Variants in EXOSC4 observed in about 807,000 individuals in gnomAD.
EXOSC4 encodes the protein exosome complex component RRP41.
In EXOSC4, 14 loss-of-function variants were observed where a neutral mutation model predicts 20.0. The observed-to-expected ratio is 0.70, with a 90% CI of 0.46 to 1.09. The LOEUF is 1.09. EXOSC4 is among the 50% of genes least tolerant of loss of function. EXOSC4 has a pLI of 0.00. For missense variants in EXOSC4, 337 were observed against 334.0 expected, an observed-to-expected ratio of 1.01 and a Z score of -0.07; for synonymous variants, 148 against 146.4, an observed-to-expected ratio of 1.01 and a Z score of -0.08.
At chr8:144,075,697 A>C (rs1426742531), upstream of EXOSC4, among the ~76,000 whole-genome samples, 1 of 152,220 alleles carries the variant, frequency 6.6e-6, no homozygotes, top group Non-Finnish European at 1.5e-5. Context: ...ATAGAAGGTT[A>C]CGTTATAAAA....
At chr8:144,077,319 C>A (rs1032534927), upstream of EXOSC4, among the ~76,000 whole-genome samples, 3 of 152,100 alleles carry the variant, frequency 2.0e-5, no homozygotes, top group African/African-American at 7.2e-5. Flanking sequence ...AGAGCTCAGA[C>A]TGAAAGGGGA....
Position 144,078,732 on chromosome 8 carries a change from G to A in EXOSC4, c.4G>A (p.Ala2Thr). The stretch of plus-strand genomic sequence containing the variant: ...GCGGACCTGGCGGCCGGGCAGCATG[G>A]CGGGGCTGGAGCTCTTGTCGGACCA... Reference protein sequence around the residue: MAGLELLSDQGY... With the variant: MTGLELLSDQGY... The change falls in exon 1 of 3, where the codon GCG becomes ACG. Residue 2 changes from alanine (A) to threonine (T), a missense_variant. By Grantham distance (58) the Ala-to-Thr change is moderately conservative. Coordinates refer to ENST00000316052, the MANE Select transcript of EXOSC4 (RefSeq NM_019037.3). This position sits in a 1 kb window ranked among gnomAD's most constrained non-coding sequence, Gnocchi z 4.7. 1 of 1,456,392 alleles carries A rather than the reference G, an allele frequency of 6.9e-7. No homozygotes were observed. Among genetic ancestry groups the A allele is most frequent in the Non-Finnish European group, 9.1e-7 (1 of 1,101,444 alleles). 90.2% of individuals were successfully genotyped at this position (1,456,392 alleles called of 1,614,324 possible).
upstream of EXOSC4, among the ~76,000 whole-genome samples, chr8:144,074,483 G>C (rs1835818990): frequency 6.6e-6 from 1 of 152,190 alleles, no homozygotes; most frequent in Non-Finnish European, 1.5e-5. Flanking sequence ...AATTGGCCAA[G>C]TGCCAACTCA....
chr8:144,072,468 A>G, the EXOSC4 span, among the ~76,000 whole-genome samples: 1 of 152,272 alleles, frequency 6.6e-6, no homozygotes, highest in Admixed American at 6.5e-5. Context: ...GGTGTGAGCC[A>G]CCGCGCCCGA....
the EXOSC4 span, among the ~76,000 whole-genome samples, chr8:144,067,623 A>C: frequency 1.3e-5 from 2 of 152,280 alleles, no homozygotes; most frequent in Non-Finnish European, 2.9e-5. Context: ...ACTCAAAGTC[A>C]GAAAAACACT....
chr8:144,075,901 TTA>T (rs1211723828), upstream of EXOSC4, among the ~76,000 whole-genome samples: 1 of 152,236 alleles, frequency 6.6e-6, no homozygotes, highest in African/African-American at 2.4e-5. Flanking sequence ...CAATTTTGTC[TTA>T]TGTTTCAAAA....
At chr8:144,078,514 T>G (rs1276584077), upstream of EXOSC4, 1 of 430,060 alleles carries the variant, frequency 2.3e-6, no homozygotes. The surrounding 1 kb of genome is among the most constrained non-coding windows in gnomAD (Gnocchi z 4.7). Flanking sequence ...GGGGCCGCGG[T>G]GAACTCCAGT....
chr8:144,073,744 A>G (rs1323964724), upstream of EXOSC4, among the ~76,000 whole-genome samples: 1 of 151,994 alleles, frequency 6.6e-6, no homozygotes, highest in Non-Finnish European at 1.5e-5. Context: ...CCAGCTACTT[A>G]GGAGGCTGAG....
At chr8:144,074,150 CA>C (rs1203381230), upstream of EXOSC4, among the ~76,000 whole-genome samples, 1 of 152,300 alleles carries the variant, frequency 6.6e-6, no homozygotes, top group South Asian at 2.1e-4. Context: ...TGGGCCCCAA[CA>C]AAGTATTTAC....
rs1835887491 is a variant in EXOSC4, at chr8:144,080,358, G to A, written c.495G>A (p.Val165=). The change falls in exon 3 of 3, where the codon GTG becomes GTA. Residue 165 remains valine, a synonymous_variant. Coordinates refer to ENST00000316052, the MANE Select transcript of EXOSC4 (RefSeq NM_019037.3). This position sits in a 1 kb window ranked among gnomAD's most constrained non-coding sequence, Gnocchi z 4.9. The part of the protein sequence containing the change: ...DFVCACSAGF[V]DGTALADLSH... Reference sequence around the variant, plus strand: ...TGTGTGCGTGCTCAGCTGGCTTCGTGGACGGCACAGCCCTGGCGGACCTCA... The same window carrying A: ...TGTGTGCGTGCTCAGCTGGCTTCGTAGACGGCACAGCCCTGGCGGACCTCA... The A allele has an allele frequency of 6.2e-7, 1 of 1,612,914 alleles. No individual in the cohort carries two copies. Among genetic ancestry groups the A allele is most frequent in the Non-Finnish European group, 8.5e-7 (1 of 1,180,050 alleles).
chr8:144,067,708 A>G, the EXOSC4 span, among the ~76,000 whole-genome samples: 1 of 152,252 alleles, frequency 6.6e-6, no homozygotes, highest in Non-Finnish European at 1.5e-5. Flanking sequence ...CAAGATGAAC[A>G]AAGATAGAAA....
the EXOSC4 span, among the ~76,000 whole-genome samples, chr8:144,064,955 C>T: frequency 1.3e-5 from 2 of 151,664 alleles, no homozygotes; most frequent in East Asian, 1.9e-4. Flanking sequence ...CATTCTCCTG[C>T]GTCAGCCTGC....
At chr8:144,075,528 T>C (rs1554762635), upstream of EXOSC4, among the ~76,000 whole-genome samples, 4 of 152,160 alleles carry the variant, frequency 2.6e-5, no homozygotes, top group South Asian at 2.1e-4. Flanking sequence ...GCCCGGCCCA[T>C]GTCCAGCTGA....
upstream of EXOSC4, chr8:144,078,109 GA>G: frequency 6.6e-6 from 1 of 152,384 alleles, no homozygotes; most frequent in Non-Finnish European, 1.5e-5. The surrounding 1 kb of genome is among the most constrained non-coding windows in gnomAD (Gnocchi z 4.7). Context: ...TCCTCAAAGG[GA>G]AAAGGGAGGC....
chr8:144,077,546 C>T (rs1411250899), upstream of EXOSC4, among the ~76,000 whole-genome samples: 1 of 152,176 alleles, frequency 6.6e-6, no homozygotes, highest in Non-Finnish European at 1.5e-5. Flanking sequence ...CAGCAGACCA[C>T]ATTTCCCTAG....
At chr8:144,067,425 G>A in the EXOSC4 span, among the ~76,000 whole-genome samples, 1 of 152,156 alleles carries the variant, frequency 6.6e-6, no homozygotes, top group East Asian at 1.9e-4. Context: ...TCCACTGCTG[G>A]GGGAGTCTCA....
chr8:144,073,548 G>C, the EXOSC4 span, among the ~76,000 whole-genome samples: 1 of 151,798 alleles, frequency 6.6e-6, no homozygotes, highest in Non-Finnish European at 1.5e-5. Flanking sequence ...CCTTCCACTG[G>C]ACCATGATAA....
chr8:144,071,518 G>T, the EXOSC4 span, among the ~76,000 whole-genome samples: 1 of 148,098 alleles, frequency 6.8e-6, no homozygotes, highest in Non-Finnish European at 1.5e-5. Context: ...TGTTGACCAG[G>T]CTGATCTCGA....
chr8:144,079,586 G>A, intron 1 of EXOSC4: 1 of 394,660 alleles, frequency 2.5e-6, no homozygotes, highest in Non-Finnish European at 4.9e-6. Context: ...CCGGGGAGGT[G>A]AGGACTTAGG....
Sources: gnomAD v4.1 joint callset for allele counts (sites outside exome capture counted in the v4.1 genomes callset) on GRCh38, gnomAD v4.1.1 for gene constraint, Gnocchi (gnomAD v3.1) non-coding constraint, MANE v1.5 for transcripts, NCBI Gene and HGNC (gene_info 2026-07-23, HGNC 2026-07-21) for gene names.